The following NELL1 variants were observed in gnomAD, a reference collection of about 807,000 sequenced individuals.
NELL1 encodes the protein neural EGFL like 1.
In NELL1, 76 loss-of-function variants were observed where a neutral mutation model predicts 107.4. The ratio of observed to expected loss-of-function variants is 0.71; its 90% CI spans 0.59 to 0.86. The LOEUF (loss-of-function observed/expected upper bound fraction) is 0.86, where lower values mean the gene tolerates loss of function less well. NELL1 is among the 40% of genes least tolerant of loss of function. NELL1 has a pLI of 0.00. For missense variants in NELL1, 1,024 were observed against 1,005.5 expected (o/e 1.02, Z -0.25); for synonymous variants, 353 against 341.2 (o/e 1.03, Z -0.38).
At chr11:21,433,799 C>T (rs899462507) in intron 15 of NELL1, among the ~76,000 whole-genome samples, 5 of 152,234 alleles carry the variant, frequency 3.3e-5, no homozygotes, top group South Asian at 2.1e-4. Context: ...CCTCAGCCTC[C>T]GTAGTAGTTG....
chr11:21,444,405 A>G (rs944317706), intron 15 of NELL1, among the ~76,000 whole-genome samples: 2 of 152,176 alleles, frequency 1.3e-5, no homozygotes, highest in Admixed American at 6.5e-5. Context: ...GTATAATTAT[A>G]CATAGCAAAA....
At chr11:21,437,500 C>A (rs1427817600) in intron 15 of NELL1, among the ~76,000 whole-genome samples, 1 of 152,144 alleles carries the variant, frequency 6.6e-6, no homozygotes. Context: ...GCTGGAATTA[C>A]AGGCCTGCAC....
intron 2 of NELL1, among the ~76,000 whole-genome samples, chr11:20,716,043 G>A (rs1314065425): frequency 1.3e-5 from 2 of 152,182 alleles, no homozygotes; most frequent in Non-Finnish European, 2.9e-5. Context: ...AAAAAGATTC[G>A]ATATGCAAAT....
chr11:20,701,307 C>T (rs937462842), intron 2 of NELL1, among the ~76,000 whole-genome samples: 1 of 152,084 alleles, frequency 6.6e-6, no homozygotes, highest in Non-Finnish European at 1.5e-5. Context: ...TAAATGTCTT[C>T]TTTTGAGAAG....
At chr11:21,377,703 T>G (rs1288348313) in intron 15 of NELL1, among the ~76,000 whole-genome samples, 1 of 152,078 alleles carries the variant, frequency 6.6e-6, no homozygotes, top group East Asian at 1.9e-4. Context: ...TTATTATAAA[T>G]TCAGTTTTGG....
chr11:21,034,974 G>T (rs7939415), intron 12 of NELL1, among the ~76,000 whole-genome samples: 22,183 of 151,824 alleles, frequency 0.15, 3,157 homozygotes, highest in African/African-American at 0.37. Context: ...AAAAACTCAG[G>T]AAAATAGACT....
chr11:21,089,599 C>T (rs1423793938), intron 12 of NELL1, among the ~76,000 whole-genome samples: 1 of 152,016 alleles, frequency 6.6e-6, no homozygotes, highest in Non-Finnish European at 1.5e-5. Context: ...TATTCGTAAA[C>T]TTGTGGCAAG....
intron 7 of NELL1, among the ~76,000 whole-genome samples, chr11:20,923,515 C>A (rs1049575746): frequency 6.6e-6 from 1 of 152,166 alleles, no homozygotes; most frequent in African/African-American, 2.4e-5. Flanking sequence ...ATCAGCCACT[C>A]CCCTGGCTTA....
At chr11:21,467,181 T>C (rs532637141) in intron 15 of NELL1, among the ~76,000 whole-genome samples, 1 of 152,188 alleles carries the variant, frequency 6.6e-6, no homozygotes, top group East Asian at 1.9e-4. Flanking sequence ...TGGCTTTGAA[T>C]TGCAGATCCC....
chr11:20,846,639 T>C (rs1380128700), intron 3 of NELL1, among the ~76,000 whole-genome samples: 2 of 152,022 alleles, frequency 1.3e-5, no homozygotes, highest in Non-Finnish European at 2.9e-5. Flanking sequence ...TAAGTTTAAG[T>C]CTGGTTTGGG....
intron 15 of NELL1, among the ~76,000 whole-genome samples, chr11:21,462,375 A>T (rs912507989): frequency 6.6e-6 from 1 of 152,106 alleles, no homozygotes; most frequent in African/African-American, 2.4e-5. Flanking sequence ...TTTTAAATGC[A>T]ATGTCCTATT....
intron 12 of NELL1, among the ~76,000 whole-genome samples, chr11:21,085,019 A>G (rs909367433): frequency 2.0e-5 from 3 of 152,200 alleles, no homozygotes; most frequent in Non-Finnish European, 2.9e-5. Flanking sequence ...CTTATCTTTT[A>G]TGGTGTAGGA....
At chr11:20,800,561 G>A (rs1857262011) in intron 3 of NELL1, among the ~76,000 whole-genome samples, 2 of 152,100 alleles carry the variant, frequency 1.3e-5, no homozygotes, top group South Asian at 4.1e-4. Context: ...TTTGCTTGTT[G>A]ATGTATTTAA....
At chr11:21,495,725 C>T (rs965734423) in intron 15 of NELL1, among the ~76,000 whole-genome samples, 2 of 151,960 alleles carry the variant, frequency 1.3e-5, no homozygotes, top group African/African-American at 4.8e-5. Flanking sequence ...GTGGTACCTC[C>T]TTTTATTTTT....
chr11:21,368,487 G>T (rs1012575247), intron 14 of NELL1, among the ~76,000 whole-genome samples: 1 of 151,922 alleles, frequency 6.6e-6, no homozygotes, highest in Non-Finnish European at 1.5e-5. Flanking sequence ...CAAGGAAGGG[G>T]TAAGATTTCG....
chr11:21,395,012 TA>T (rs1851951184), intron 15 of NELL1, among the ~76,000 whole-genome samples: 1 of 151,506 alleles, frequency 6.6e-6, no homozygotes, highest in African/African-American at 2.4e-5. Context: ...TGGAGAGGTA[TA>T]TACAAGGGAT....
intron 5 of NELL1, among the ~76,000 whole-genome samples, chr11:20,908,245 A>G (rs965838961): frequency 2.6e-5 from 4 of 152,182 alleles, no homozygotes; most frequent in Non-Finnish European, 5.9e-5. Flanking sequence ...GAAAAGACAC[A>G]TGCACACGTA....
chr11:20,911,468 T>A (rs755220856), intron 5 of NELL1, among the ~76,000 whole-genome samples: 1 of 152,224 alleles, frequency 6.6e-6, no homozygotes, highest in African/African-American at 2.4e-5. Flanking sequence ...CAGGTCTTTA[T>A]GATTTCAAAG....
intron 14 of NELL1, among the ~76,000 whole-genome samples, chr11:21,252,330 G>A (rs149034203): frequency 3.4e-4 from 52 of 152,152 alleles, no homozygotes; most frequent in Middle Eastern, 3.4e-3. Flanking sequence ...CATTGGTTTT[G>A]GGGGCAGGTA....
Sources: gnomAD v4.1 joint callset for allele counts (sites outside exome capture counted in the v4.1 genomes callset) on GRCh38, gnomAD v4.1.1 for gene constraint, MANE v1.5 for transcripts, NCBI Gene and HGNC (gene_info 2026-07-23, HGNC 2026-07-21) for gene names.